Variants in AFDN observed in about 807,000 individuals in gnomAD.
The protein encoded by AFDN is afadin.
A neutral mutation model predicts 216.6 loss-of-function variants in AFDN; 68 were observed. That is an observed-to-expected ratio of 0.31 (90% CI 0.26 to 0.38). AFDN has a LOEUF of 0.38. AFDN is among the 10% of genes least tolerant of loss of function. The pLI, the probability that AFDN is intolerant of heterozygous loss-of-function variation, is 1.00. For synonymous variants in AFDN, 868 were observed against 853.7 expected, an observed-to-expected ratio of 1.02 and a Z score of -0.29; for missense variants, 2,136 against 2,342.0, an observed-to-expected ratio of 0.91 and a Z score of 1.82.
chr6:167,925,126 C>T, intron 23 of AFDN, 35 bp downstream of exon 23: 1 of 1,455,322 alleles, frequency 6.9e-7, no homozygotes, highest in African/African-American at 1.4e-5. Context: ...TTGTTCTCTC[C>T]AGTCTTTCGG....
intron 30 of AFDN, among the ~76,000 whole-genome samples, chr6:167,960,278 C>T (rs1018152443): frequency 6.6e-6 from 1 of 152,128 alleles, no homozygotes; most frequent in African/African-American, 2.4e-5. Context: ...CCTTCCTTTA[C>T]GAATAGTAAC....
chr6:167,914,007 T>C, intron 16 of AFDN, 161 bp from the exon 17 acceptor site: 1 of 641,968 alleles, frequency 1.6e-6, no homozygotes, highest in Non-Finnish European at 2.6e-6. Context: ...TTGCTATGTA[T>C]GCACCCAAAT....
At chr6:167,923,620 CTTTTTTT>C (rs35743665) in intron 22 of AFDN, among the ~76,000 whole-genome samples, 1 of 111,968 alleles carries the variant, frequency 8.9e-6, no homozygotes, top group African/African-American at 3.3e-5. Flanking sequence ...TACCCTAATA[CTTTTTTT>C]TTTTTTTTTT....
chr6:167,965,705 C>T, intron 31 of AFDN, 52 bp from the exon 32 acceptor site: 2 of 1,465,832 alleles, frequency 1.4e-6, no homozygotes, highest in Non-Finnish European at 1.8e-6. Context: ...AGTGGGTCGG[C>T]TGTTCCCTTC....
chr6:167,890,596 T>C (rs1007390413), intron 7 of AFDN, among the ~76,000 whole-genome samples: 1 of 152,196 alleles, frequency 6.6e-6, no homozygotes, highest in Non-Finnish European at 1.5e-5. Flanking sequence ...TGTTTTTTTT[T>C]CAAGCTTATG....
intron 12 of AFDN, 148 bp downstream of exon 12, chr6:167,902,534 A>C (rs1417226037): frequency 1.7e-6 from 1 of 585,178 alleles, no homozygotes; most frequent in Non-Finnish European, 3.1e-6. Flanking sequence ...AATAGTACAG[A>C]GCCCTATGGA....
At position 167,922,752 on chromosome 6, in the gene AFDN, A is replaced by G. The variant is rs968285813; in HGVS notation, c.2909-104A>G. Reference sequence around the variant, plus strand: ...GGATTAAAGGTGTAGAGTAAGAAGAATCAATACCGTGTGTTGGATATTAAG... The same window carrying G: ...GGATTAAAGGTGTAGAGTAAGAAGAGTCAATACCGTGTGTTGGATATTAAG... On this transcript the variant is annotated intron_variant, in intron 21 of 33. Transcript: ENST00000683244. 5.6e-5 allele frequency: 40 copies of G among 712,540 alleles called. 2 individuals carry two copies. Among genetic ancestry groups the G allele is most frequent in the South Asian group, 4.6e-4 (26 of 56,458 alleles). 44.1% of individuals were successfully genotyped at this position (712,540 alleles called of 1,614,324 possible). A position where few individuals can be genotyped will look rare whatever the true frequency, so the allele number is the denominator to read the frequency against.
At position 167,951,919 on chromosome 6, in the gene AFDN, C is replaced by A; in HGVS notation, c.4565C>A (p.Pro1522Gln). The change falls in exon 30 of 34, where the codon CCG becomes CAG. Residue 1522 changes from proline (P) to glutamine (Q), a missense_variant. By Grantham distance (76) the Pro-to-Gln change is moderately conservative. Around this residue, in one of 8 missense-constraint regions of AFDN, gnomAD observed 981 missense variants for 966.0 expected, o/e 1.02. Coordinates refer to ENST00000683244, the MANE Select transcript of AFDN (RefSeq NM_001386888.1). The surrounding 1 kb of genome is among the most constrained non-coding windows in gnomAD (Gnocchi z 7.1). ...LSSGDSLSPD[P>Q]WKRDAKEKLE... ...TCGGGGGACAGTCTGTCCCCCGACC[C>A]GTGGAAGCGGGACGCCAAGGAGAAG... 1 of 1,614,084 alleles carries A rather than the reference C, an allele frequency of 6.2e-7. No individual in the cohort carries two copies. The highest frequency in any genetic ancestry group is 8.5e-7 in the Non-Finnish European group (1 of 1,180,030).
At chr6:167,848,774 G>A (rs1180610070) in intron 1 of AFDN, among the ~76,000 whole-genome samples, 5 of 152,126 alleles carry the variant, frequency 3.3e-5, no homozygotes, top group East Asian at 1.9e-4. Flanking sequence ...CCTGATTTCC[G>A]TCGGTGAGCA....
At chr6:167,890,373 G>A (rs1562617327) in intron 7 of AFDN, among the ~76,000 whole-genome samples, 1 of 152,154 alleles carries the variant, frequency 6.6e-6, no homozygotes, top group Non-Finnish European at 1.5e-5. Context: ...TAATAGAATT[G>A]TTGTTTTATT....
chr6:167,884,265 A>G (rs1786505964), intron 6 of AFDN, among the ~76,000 whole-genome samples: 1 of 152,166 alleles, frequency 6.6e-6, no homozygotes. Flanking sequence ...TAGGGTTTGA[A>G]TCAGTTTCTT....
At chr6:167,875,582 A>G (rs1202863638) in intron 5 of AFDN, 87 bp downstream of exon 5, 7 of 1,361,088 alleles carry the variant, frequency 5.1e-6, no homozygotes, top group Non-Finnish European at 7.1e-6. Flanking sequence ...TGCTTTAACT[A>G]AAGCAATGGG....
intron 30 of AFDN, among the ~76,000 whole-genome samples, chr6:167,957,982 A>C (rs1010299011): frequency 6.6e-6 from 1 of 152,168 alleles, no homozygotes; most frequent in Non-Finnish European, 1.5e-5. Flanking sequence ...AGGGTCCCCA[A>C]ACCCACCATG....
intron 23 of AFDN, among the ~76,000 whole-genome samples, chr6:167,938,101 G>A (rs1218290679): frequency 6.6e-6 from 1 of 152,194 alleles, no homozygotes; most frequent in African/African-American, 2.4e-5. Context: ...CCAATGTGAT[G>A]AGAACATAAG....
intron 16 of AFDN, 123 bp from the exon 17 acceptor site, chr6:167,914,044 GT>G: frequency 9.7e-7 from 1 of 1,026,134 alleles, no homozygotes; most frequent in Non-Finnish European, 1.4e-6. Context: ...GGTATCTGTG[GT>G]AAATACCTTG....
At chr6:167,917,271 A>G (rs369397983) in intron 20 of AFDN, 39 bp downstream of exon 20, 1 of 1,441,900 alleles carries the variant, frequency 6.9e-7, no homozygotes, top group African/African-American at 1.5e-5. Context: ...AGTGCGGGAC[A>G]TGTTTGCATG....
intron 20 of AFDN, 127 bp from the exon 21 acceptor site, chr6:167,918,608 C>A: frequency 1.3e-6 from 1 of 793,486 alleles, no homozygotes; most frequent in Non-Finnish European, 2.1e-6. Flanking sequence ...CTGCGTCTGT[C>A]TGTGTGTGTG....
At chr6:167,876,856 T>C (rs765698910) in intron 5 of AFDN, among the ~76,000 whole-genome samples, 3 of 152,098 alleles carry the variant, frequency 2.0e-5, no homozygotes, top group Non-Finnish European at 2.9e-5. Flanking sequence ...TGCACTGCCA[T>C]TGGGGGTATT....
Position 167,880,446 on chromosome 6 carries a change from T to G in AFDN, c.826T>G (p.Phe276Val), listed in dbSNP as rs1370042795. 6.2e-7 allele frequency: 1 copy of G among 1,613,918 alleles called. No homozygotes were observed. ...ILLSTTDPAD[F>V]AVAEALEKYG... is the part of the protein sequence containing the mutation. ...GCTGTCTACTACAGATCCTGCAGAC[T>G]TTGCTGTGGCTGAAGCTTTAGAGAA... Residue 276 changes from phenylalanine (F) to valine (V), a missense_variant, in exon 6 of 34, where the codon TTT (phenylalanine) becomes GTT (valine). Coordinates refer to ENST00000683244, the MANE Select transcript of AFDN (RefSeq NM_001386888.1).
Sources: allele counts gnomAD v4.1 joint callset (sites outside exome capture counted in the v4.1 genomes callset), GRCh38; gene constraint gnomAD v4.1.1; regional missense constraint gnomAD v4.1.1; non-coding constraint Gnocchi (gnomAD v3.1); transcripts MANE v1.5; gene names NCBI Gene and HGNC (gene_info 2026-07-23, HGNC 2026-07-21).